NEDD9: variants seen among roughly 807,000 people sequenced by gnomAD.
The protein encoded by NEDD9 is neural precursor cell expressed, developmentally down-regulated 9.
In NEDD9, 26 loss-of-function variants were observed where a neutral mutation model predicts 76.6. The observed-to-expected ratio is 0.34, with a 90% CI of 0.25 to 0.47. NEDD9 has a LOEUF of 0.47. Ranked by LOEUF, NEDD9 falls within the 20% of genes least tolerant of loss-of-function variation. The pLI, the probability that NEDD9 is intolerant of heterozygous loss-of-function variation, is 1.00. For missense variants in NEDD9, 937 were observed against 1,058.5 expected, an observed-to-expected ratio of 0.89 and a Z score of 1.59; for synonymous variants, 392 against 414.2, an observed-to-expected ratio of 0.95 and a Z score of 0.65.
chr6:11,268,177 G>A (rs1760235234), intron 3 of NEDD9, among the ~76,000 whole-genome samples: 1 of 138,924 alleles, frequency 7.2e-6, no homozygotes, highest in Non-Finnish European at 1.6e-5. Context: ...CTACAGGCAT[G>A]CGCCACCGAG....
intron 3 of NEDD9, among the ~76,000 whole-genome samples, chr6:11,295,374 C>A (rs958467475): frequency 6.6e-6 from 1 of 152,246 alleles, no homozygotes; most frequent in East Asian, 1.9e-4. Flanking sequence ...CTGTAGGGTG[C>A]GAGATATTTC....
At chr6:11,339,992 T>A (rs1159604430) in intron 1 of NEDD9, among the ~76,000 whole-genome samples, 1 of 152,222 alleles carries the variant, frequency 6.6e-6, no homozygotes, top group Non-Finnish European at 1.5e-5. Context: ...ATTTTTCACT[T>A]TGAATTTAAG....
chr6:11,286,590 A>G (rs1177338290), intron 3 of NEDD9, among the ~76,000 whole-genome samples: 1 of 152,244 alleles, frequency 6.6e-6, no homozygotes, highest in Non-Finnish European at 1.5e-5. Context: ...AGGTGAATGG[A>G]TAAACACACT....
chr6:11,216,362 G>A (rs1205055279), intron 1 of NEDD9, among the ~76,000 whole-genome samples: 1 of 152,308 alleles, frequency 6.6e-6, no homozygotes, highest in Admixed American at 6.5e-5. Context: ...CTCCTAAACC[G>A]AAGCTTACGG....
intron 1 of NEDD9, among the ~76,000 whole-genome samples, chr6:11,372,103 TTATC>T (rs1762887965): frequency 6.6e-6 from 1 of 152,116 alleles, no homozygotes; most frequent in African/African-American, 2.4e-5. Flanking sequence ...CTTGTACTCA[TTATC>T]TATCTCCCCT....
At chr6:11,305,432 A>T (rs755908308) in intron 3 of NEDD9, 19 of 217,794 alleles carry the variant, frequency 8.7e-5, no homozygotes, top group Non-Finnish European at 3.8e-5. Flanking sequence ...CCTCTTTTAG[A>T]GGCCAACTAA....
chr6:11,284,803 TATA>T (rs1173873768), intron 3 of NEDD9, among the ~76,000 whole-genome samples: 2 of 150,062 alleles, frequency 1.3e-5, no homozygotes, highest in Non-Finnish European at 3.0e-5. Context: ...ATATAATAAA[TATA>T]ATATAAAACT....
intron 3 of NEDD9, among the ~76,000 whole-genome samples, chr6:11,267,316 A>G (rs556156535): frequency 1.3e-5 from 2 of 151,546 alleles, no homozygotes; most frequent in East Asian, 3.9e-4. Context: ...TCTTGTGCTT[A>G]TTAGATAGCA....
At chr6:11,331,486 T>G (rs1426428609) in intron 2 of NEDD9, among the ~76,000 whole-genome samples, 1 of 152,020 alleles carries the variant, frequency 6.6e-6, no homozygotes, top group East Asian at 1.9e-4. Context: ...GGAGGAGATA[T>G]GACTTAAGAA....
chr6:11,328,247 GC>G (rs568357231), intron 2 of NEDD9, among the ~76,000 whole-genome samples: 2 of 152,248 alleles, frequency 1.3e-5, no homozygotes, highest in Non-Finnish European at 2.9e-5. Flanking sequence ...CCTGTTGTGT[GC>G]TGGAGACACT....
At chr6:11,346,668 A>G (rs771513922) in intron 1 of NEDD9, among the ~76,000 whole-genome samples, 2 of 152,098 alleles carry the variant, frequency 1.3e-5, no homozygotes, top group Non-Finnish European at 2.9e-5. Context: ...GGAGTTATAG[A>G]TAGGATCTGG....
At chr6:11,217,614 A>G (rs990840231) in intron 1 of NEDD9, among the ~76,000 whole-genome samples, 1 of 152,204 alleles carries the variant, frequency 6.6e-6, no homozygotes, top group Non-Finnish European at 1.5e-5. Flanking sequence ...ATTACCGTCC[A>G]ACCCTTTCAC....
At chr6:11,200,519 A>C in intron 2 of NEDD9, 1 of 1,084,766 alleles carries the variant, frequency 9.2e-7, no homozygotes. Context: ...CTTGCTTTCT[A>C]ATGTGATAAG....
intron 1 of NEDD9, among the ~76,000 whole-genome samples, chr6:11,232,223 C>T (rs935361580): frequency 6.6e-6 from 1 of 152,216 alleles, no homozygotes; most frequent in African/African-American, 2.4e-5. Flanking sequence ...TCTCCAGTGG[C>T]TGCTGTGAAG....
At chr6:11,307,334 AAG>A (rs1286767841) in intron 2 of NEDD9, among the ~76,000 whole-genome samples, 2 of 152,156 alleles carry the variant, frequency 1.3e-5, no homozygotes, top group Non-Finnish European at 2.9e-5. Flanking sequence ...AGTCTTGGCT[AAG>A]AGGGGGGAAA....
chr6:11,226,267 G>A (rs9942514), intron 1 of NEDD9, among the ~76,000 whole-genome samples: 4,382 of 152,070 alleles, frequency 0.029, 224 homozygotes, highest in African/African-American at 0.1. Flanking sequence ...TTTTTTTTGT[G>A]TGTGTGTGTC....
intron 3 of NEDD9, among the ~76,000 whole-genome samples, chr6:11,275,607 T>C (rs992719011): frequency 6.6e-6 from 1 of 151,882 alleles, no homozygotes; most frequent in African/African-American, 2.4e-5. Context: ...ACCTCCTGCA[T>C]GTTCTCAGCT....
At chr6:11,249,427 A>G (rs149169700) in intron 3 of NEDD9, among the ~76,000 whole-genome samples, 4 of 152,336 alleles carry the variant, frequency 2.6e-5, no homozygotes, top group African/African-American at 9.6e-5. Flanking sequence ...AGGTGGCTCA[A>G]ATTCTAGACA....
At chr6:11,374,423 T>C (rs1053213647) in intron 1 of NEDD9, among the ~76,000 whole-genome samples, 4 of 152,164 alleles carry the variant, frequency 2.6e-5, no homozygotes, top group African/African-American at 9.7e-5. Flanking sequence ...GGCACCAGCA[T>C]ACTACTGTGC....
Sources: gnomAD v4.1 joint callset for allele counts (sites outside exome capture counted in the v4.1 genomes callset) on GRCh38, gnomAD v4.1.1 for gene constraint, MANE v1.5 for transcripts, NCBI Gene and HGNC (gene_info 2026-07-23, HGNC 2026-07-21) for gene names.